The following GNA12 variants were observed in gnomAD, a reference collection of about 807,000 sequenced individuals.
The protein encoded by GNA12 is G protein subunit alpha 12.
In GNA12, 9 loss-of-function variants were observed where a neutral mutation model predicts 26.0. The ratio of observed to expected loss-of-function variants is 0.35; its 90% confidence interval spans 0.21 to 0.60. The LOEUF is 0.60. Ranked by LOEUF, GNA12 falls within the 20% of genes least tolerant of loss-of-function variation. The probability of loss-of-function intolerance (pLI) is 0.78; values close to 1 mark genes in which losing one functional copy is unlikely to be tolerated. For synonymous variants in GNA12, 264 were observed against 219.6 expected (o/e 1.20, Z -1.79); for missense variants, 405 against 525.8 (o/e 0.77, Z 2.25).
intron 2 of GNA12, among the ~76,000 whole-genome samples, chr7:2,750,752 G>A (rs555207694): frequency 9.9e-4 from 151 of 152,328 alleles, no homozygotes; most frequent in African/African-American, 3.5e-3. Flanking sequence ...GAGCAAGGGG[G>A]ACTATCGGAC....
chr7:2,770,934 G>A (rs1056742281), intron 2 of GNA12, among the ~76,000 whole-genome samples: 4 of 152,168 alleles, frequency 2.6e-5, no homozygotes, highest in Admixed American at 2.6e-4. Context: ...GCAAGCGCCA[G>A]GCTCTGATGA....
intron 1 of GNA12, among the ~76,000 whole-genome samples, chr7:2,820,401 C>CTTTTTTTTTTTTTTTTTTTT (rs35674433): frequency 7.9e-6 from 1 of 126,370 alleles, no homozygotes; most frequent in African/African-American, 3.0e-5. Context: ...CTCAATAAAG[C>CTTTTTTTTTTTTTTTTTTTT]TTTTTTTTTT....
chr7:2,739,518 G>A (rs142363598), intron 2 of GNA12, among the ~76,000 whole-genome samples: 1 of 152,258 alleles, frequency 6.6e-6, no homozygotes, highest in African/African-American at 2.4e-5. Context: ...GTATGGATAT[G>A]TGGTTTGTTT....
At chr7:2,751,284 G>T (rs890892964) in intron 2 of GNA12, among the ~76,000 whole-genome samples, 1 of 151,922 alleles carries the variant, frequency 6.6e-6, no homozygotes, top group Admixed American at 6.6e-5. Context: ...TACTCAGCAG[G>T]GGGAGCTGAG....
chr7:2,830,187 A>C (rs1793570222), intron 1 of GNA12, among the ~76,000 whole-genome samples: 1 of 152,152 alleles, frequency 6.6e-6, no homozygotes, highest in Non-Finnish European at 1.5e-5. Flanking sequence ...TTCTTGCCTC[A>C]ATACTACCTT....
intron 2 of GNA12, among the ~76,000 whole-genome samples, chr7:2,759,998 A>C: frequency 6.6e-6 from 1 of 152,264 alleles, no homozygotes; most frequent in African/African-American, 2.4e-5. Flanking sequence ...AAATGCATAA[A>C]AATGACAGGA....
intron 2 of GNA12, among the ~76,000 whole-genome samples, chr7:2,746,009 G>C (rs1160874666): frequency 1.3e-5 from 2 of 152,186 alleles, no homozygotes; most frequent in Non-Finnish European, 2.9e-5. Flanking sequence ...GGAGCACTCA[G>C]ATTCATAAAG....
chr7:2,750,722 A>C (rs1257007426), intron 2 of GNA12, among the ~76,000 whole-genome samples: 11 of 152,236 alleles, frequency 7.2e-5, no homozygotes, highest in Non-Finnish European at 1.0e-4. Flanking sequence ...GCATGTTAAC[A>C]GACACACACA....
chr7:2,767,880 G>A (rs1231452610), intron 2 of GNA12, among the ~76,000 whole-genome samples: 4 of 152,076 alleles, frequency 2.6e-5, no homozygotes, highest in East Asian at 1.9e-4. Context: ...TTTTTGAGAC[G>A]GAGTCACTCT....
chr7:2,730,212 T>C lies in GNA12; in HGVS notation c.*969A>G, dbSNP rs1036440488. The C allele has an allele frequency of 6.6e-6, 1 of 152,394 alleles. No homozygotes were observed. The highest frequency in any genetic ancestry group is 1.5e-5 in the Non-Finnish European group (1 of 68,054). The allele number at this position is 152,394 out of a possible 1,614,324, so 9.4% of individuals were successfully genotyped here. On this transcript the variant is annotated 3_prime_UTR_variant, in exon 4 of 4. Coordinates refer to ENST00000275364, the MANE Select transcript of GNA12 (RefSeq NM_007353.3). ...GCTTTCTGAAGCCCCAGAAGAGGAA[T>C]GTTTCTGAAAGAAGGAAACGCTATG...
intron 1 of GNA12, among the ~76,000 whole-genome samples, chr7:2,823,649 T>C (rs545898456): frequency 6.6e-6 from 1 of 151,952 alleles, no homozygotes; most frequent in Non-Finnish European, 1.5e-5. Flanking sequence ...AAAATAAAAA[T>C]GCAATACTCA....
chr7:2,800,651 G>A (rs1390198379), intron 1 of GNA12, among the ~76,000 whole-genome samples: 1 of 152,224 alleles, frequency 6.6e-6, no homozygotes, highest in African/African-American at 2.4e-5. Context: ...GGGAGGGTTA[G>A]CAGAGGCCGA....
intron 2 of GNA12, among the ~76,000 whole-genome samples, chr7:2,744,545 T>C (rs916374881): frequency 2.0e-5 from 3 of 151,624 alleles, no homozygotes; most frequent in Non-Finnish European, 2.9e-5. Context: ...AGACCAAAGG[T>C]AGAAAAGACC....
Position 2,761,888 on chromosome 7 carries a change from G to C in GNA12, c.526-28387C>G, listed in dbSNP as rs185874142. ...CAACGTAAAATTCGGCTTCCAGCTG[G>C]TCCAGTTTTCCCATCTGTCGTATCC... On this transcript the variant is annotated intron_variant, in intron 2 of 3. Coordinates refer to ENST00000275364, the MANE Select transcript of GNA12 (RefSeq NM_007353.3). Among the ~76,000 whole-genome samples the C allele has an allele frequency of 2.6e-5, 4 of 152,254 alleles. No homozygotes were observed. In the East Asian group the frequency reaches 5.8e-4, roughly 22 times the overall value.
chr7:2,762,504 C>T, intron 2 of GNA12: 1 of 911,616 alleles, frequency 1.1e-6, no homozygotes, highest in Non-Finnish European at 1.6e-6. Flanking sequence ...TGTGAGTAGC[C>T]TAACTGTGGA....
chr7:2,752,743 C>T (rs571704846), intron 2 of GNA12, among the ~76,000 whole-genome samples: 8 of 152,226 alleles, frequency 5.3e-5, no homozygotes, highest in Non-Finnish European at 8.8e-5. Context: ...CGTAACTTTT[C>T]ATCTTGAAAT....
At position 2,751,083 on chromosome 7, in the gene GNA12, G is replaced by GT. The variant is rs537327349; in HGVS notation, c.526-17583dup. Among the ~76,000 whole-genome samples, 10 of 152,266 alleles carry GT rather than the reference G, an allele frequency of 6.6e-5. No homozygotes were observed. The South Asian group carries it at 2.1e-3, about 32-fold the overall frequency. On this transcript the variant is annotated intron_variant, in intron 2 of 3. Coordinates refer to ENST00000275364, the MANE Select transcript of GNA12 (RefSeq NM_007353.3). ...ACTACAGCATTTCGGGGAGAAATCT[G>GT]TTGCTTTACATGCTTATATTAGGGC...
intron 1 of GNA12, among the ~76,000 whole-genome samples, chr7:2,800,676 T>G (rs1242978219): frequency 6.6e-6 from 1 of 152,142 alleles, no homozygotes; most frequent in Non-Finnish European, 1.5e-5. Context: ...AAAGAGATAG[T>G]AGGGAAGGGA....
intron 1 of GNA12, among the ~76,000 whole-genome samples, chr7:2,825,628 AGCT>A (rs1403195368): frequency 5.9e-5 from 9 of 152,170 alleles, no homozygotes; most frequent in Non-Finnish European, 2.9e-5. Context: ...GAAGGTATCG[AGCT>A]GATGGGAGGC....
Sources: allele counts gnomAD v4.1 joint callset (sites outside exome capture counted in the v4.1 genomes callset), GRCh38; gene constraint gnomAD v4.1.1; transcripts MANE v1.5; gene names NCBI Gene and HGNC (gene_info 2026-07-23, HGNC 2026-07-21).